CFAP74: variants seen among roughly 807,000 people sequenced by gnomAD.
CFAP74 encodes cilia and flagella associated protein 74.
In CFAP74, 124 loss-of-function variants were observed where a neutral mutation model predicts 188.9. The ratio of observed to expected loss-of-function variants is 0.66; its 90% CI spans 0.57 to 0.76. The LOEUF (loss-of-function observed/expected upper bound fraction) is 0.76, where lower values mean the gene tolerates loss of function less well. CFAP74 is among the 30% of genes least tolerant of loss of function. The pLI is 0.00. For missense variants in CFAP74, 2,198 were observed against 2,165.2 expected, an observed-to-expected ratio of 1.02 and a Z score of -0.30; for synonymous variants, 956 against 916.7, an observed-to-expected ratio of 1.04 and a Z score of -0.77.
intron 1 of CFAP74, among the ~76,000 whole-genome samples, chr1:1,996,902 C>CA (rs1397618765): frequency 3.7e-5 from 4 of 107,762 alleles, no homozygotes; most frequent in South Asian, 3.0e-4. Context: ...GCCTGGGTGA[C>CA]AGAGCAAGAC....
intron 2 of CFAP74, among the ~76,000 whole-genome samples, chr1:1,989,726 G>A (rs1193243657): frequency 6.6e-6 from 1 of 152,218 alleles, no homozygotes; most frequent in Non-Finnish European, 1.5e-5. Context: ...CTCCCCAAGT[G>A]CTGGGATGAC....
chr1:1,971,361 G>GCA (rs61497387), intron 9 of CFAP74, among the ~76,000 whole-genome samples: 2 of 149,226 alleles, frequency 1.3e-5, no homozygotes, highest in African/African-American at 2.5e-5. Flanking sequence ...ATGCACACCT[G>GCA]CACACACACG....
intron 18 of CFAP74, among the ~76,000 whole-genome samples, chr1:1,949,034 CCCT>C (rs1193193924): frequency 7.8e-6 from 1 of 128,088 alleles, no homozygotes; most frequent in Non-Finnish European, 1.6e-5. Context: ...TTCTCTCCCT[CCCT>C]CCTTCCTTCC....
At chr1:1,985,319 C>G (rs1055668205) in intron 6 of CFAP74, 67 bp downstream of exon 6, 1 of 1,374,636 alleles carries the variant, frequency 7.3e-7, no homozygotes, top group Non-Finnish European at 1.0e-6. Context: ...TCTCTGCCCC[C>G]AGATGGGAAG....
Position 1,988,504 on chromosome 1 carries a change from C to T in CFAP74, c.296+8G>A. 1 of 1,610,376 alleles carries T rather than the reference C, an allele frequency of 6.2e-7. No individual in the cohort carries two copies. The highest frequency in any genetic ancestry group is 1.3e-5 in the African/African-American group (1 of 75,032). ...GGTGCAGGTGCAGCGGCCTCAGCCC[C>T]AGCTCACCTCATCTTCTCAGTGAAA... On this transcript the variant is annotated splice_region_variant and intron_variant, in intron 4 of 38. Coordinates refer to ENST00000682832, the MANE Select transcript of CFAP74 (RefSeq NM_001304360.2).
intron 20 of CFAP74, among the ~76,000 whole-genome samples, 151 bp downstream of exon 20, chr1:1,946,166 G>A (rs986506284): frequency 6.6e-6 from 1 of 152,258 alleles, no homozygotes; most frequent in African/African-American, 2.4e-5. Flanking sequence ...GTGCGTGCGT[G>A]TGTTGTAAAC....
rs60806738 is a variant in CFAP74, at chr1:1,993,474, C to A, written c.-19-2499G>T. Among the ~76,000 whole-genome samples, 42 of 151,512 alleles carry A rather than the reference C, an allele frequency of 2.8e-4. 1 individual carries two copies. The highest frequency in any genetic ancestry group is 5.3e-4 in the Non-Finnish European group (36 of 67,944). On this transcript the variant is annotated intron_variant, in intron 1 of 38. Coordinates refer to ENST00000682832, the MANE Select transcript of CFAP74 (RefSeq NM_001304360.2). ...CTGATTTTTGTATTTTCTGTAGAGACAGGGTTTTGCCATGTTGCCCAGGCT... is the reference window on the plus strand; with the variant it reads ...CTGATTTTTGTATTTTCTGTAGAGAAAGGGTTTTGCCATGTTGCCCAGGCT...
At chr1:1,960,282 G>A (rs766555489) in intron 14 of CFAP74, among the ~76,000 whole-genome samples, 7 of 152,402 alleles carry the variant, frequency 4.6e-5, no homozygotes, top group South Asian at 2.1e-4. Flanking sequence ...CACTGAAGGC[G>A]TGAGGCAAGT....
chr1:1,955,733 G>C lies in CFAP74; in HGVS notation c.2134C>G (p.Leu712Val), dbSNP rs1654570674. The change falls in exon 18 of 39, where the codon CTG (leucine) becomes GTG (valine). Residue 712 changes from leucine to valine, a missense_variant. Transcript: ENST00000682832. Reference sequence around the variant, plus strand: ...TCCTGCTCCTTGTCCAGCTTCTCCAGCTCCTTCCGGCTCTGCATGTCCGCC... The same window carrying C: ...TCCTGCTCCTTGTCCAGCTTCTCCACCTCCTTCCGGCTCTGCATGTCCGCC... ...SQADMQSRKE[L>V]EKLDKEQEEE... The C allele has an allele frequency of 1.9e-6, 3 of 1,614,004 alleles. No individual in the cohort carries two copies. The highest frequency in any genetic ancestry group is 1.3e-5 in the African/African-American group (1 of 74,910).
chr1:1,992,873 C>G (rs1360035351), intron 1 of CFAP74, among the ~76,000 whole-genome samples: 1 of 152,008 alleles, frequency 6.6e-6, no homozygotes, highest in Non-Finnish European at 1.5e-5. Flanking sequence ...GGTACCGAAT[C>G]TTCTGTGTCC....
At chr1:1,988,490 A>G (rs1657376275) in intron 4 of CFAP74, 22 bp downstream of exon 4, 3 of 1,607,568 alleles carry the variant, frequency 1.9e-6, no homozygotes, top group African/African-American at 2.7e-5. Context: ...GTGCAGGTGC[A>G]GCGGCCTCAG....
In CFAP74 at chr1:1,959,191, C is replaced by T. The variant is rs1212202036; in HGVS notation, c.1780G>A (p.Gly594Arg). The T allele has an allele frequency of 4.4e-6, 7 of 1,608,550 alleles. No homozygotes were observed. The highest frequency in any genetic ancestry group is 4.0e-5 in the African/African-American group (3 of 74,818). ...GTCTGAGCCAAAAATGAGATATTTC[C>T]TTCTAGATCCTTGTTTATCTAAAAC... The part of the protein sequence containing the change: ...FKPMINKDLE[G>R]NISFLAQTGE... The change falls in exon 16 of 39, where the codon GGA becomes AGA. Residue 594 changes from glycine to arginine, a missense_variant. Transcript: ENST00000682832.
At chr1:1,932,113 T>C (rs1217502128) in intron 25 of CFAP74, among the ~76,000 whole-genome samples, 1 of 140,512 alleles carries the variant, frequency 7.1e-6, no homozygotes, top group Non-Finnish European at 1.5e-5. Flanking sequence ...TAGAAAAATG[T>C]AGGCCGGGCG....
chr1:1,974,944 G>A (rs533123258), intron 6 of CFAP74, among the ~76,000 whole-genome samples: 28 of 152,368 alleles, frequency 1.8e-4, no homozygotes, highest in African/African-American at 6.5e-4. Flanking sequence ...GACACCTGGT[G>A]GAGGGATGCA....
intron 1 of CFAP74, among the ~76,000 whole-genome samples, chr1:2,000,841 C>T (rs899207997): frequency 6.6e-6 from 1 of 152,134 alleles, no homozygotes; most frequent in Non-Finnish European, 1.5e-5. Flanking sequence ...TTCTCAGGTC[C>T]TGAGGCTTAG....
rs554779029 is a variant in CFAP74, at chr1:1,970,929, GCA to G, written c.889-115_889-114del. 3.2e-3 allele frequency: 4,210 copies of G among 1,308,468 alleles called. 77 individuals are homozygous for G. The African/African-American group carries it at 0.039, about 12-fold the overall frequency. The allele number at this position is 1,308,468 out of a possible 1,614,324, so 81.1% of individuals were successfully genotyped here. ...CATACATGCACACGTGCACACACGT[GCA>G]CACACACATGCACACCTGCACATGC... On this transcript the variant is annotated intron_variant, in intron 9 of 38. Transcript: ENST00000682832.
At chr1:1,946,209 C>T in intron 20 of CFAP74, 108 bp downstream of exon 20, 1 of 1,362,382 alleles carries the variant, frequency 7.3e-7, no homozygotes, top group Admixed American at 2.7e-5. Context: ...ACCAACTGGC[C>T]ATCCCTGCGT....
chr1:1,948,030 G>A (rs532285263), intron 18 of CFAP74, among the ~76,000 whole-genome samples: 2 of 152,244 alleles, frequency 1.3e-5, no homozygotes, highest in Non-Finnish European at 2.9e-5. Context: ...CTGCCATCAT[G>A]CCTGGCTAAT....
At chr1:1,939,159 C>T (rs1049857995) in intron 24 of CFAP74, among the ~76,000 whole-genome samples, 171 bp from the exon 25 acceptor site, 1 of 152,000 alleles carries the variant, frequency 6.6e-6, no homozygotes, top group Non-Finnish European at 1.5e-5. Context: ...TGAGTGTGAG[C>T]ACATGTGTAT....
Sources: allele counts gnomAD v4.1 joint callset (sites outside exome capture counted in the v4.1 genomes callset), GRCh38; gene constraint gnomAD v4.1.1; transcripts MANE v1.5; gene names NCBI Gene and HGNC (gene_info 2026-07-23, HGNC 2026-07-21).